Variants in CFH observed in about 807,000 individuals in gnomAD.
The protein encoded by CFH is H factor 1 (complement).
Under a neutral mutation model 147.3 loss-of-function variants are expected in CFH, and 53 were observed. The ratio of observed to expected loss-of-function variants is 0.36; its 90% confidence interval spans 0.29 to 0.45. The LOEUF is 0.45. CFH is among the 20% of genes least tolerant of loss of function. The pLI is 1.00. For synonymous variants in CFH, 536 were observed against 489.4 expected (o/e 1.10, Z -1.26); for missense variants, 1,380 against 1,498.0 (o/e 0.92, Z 1.30).
chr1:196,665,341 T>C (rs749289236), intron 1 of CFH, among the ~76,000 whole-genome samples: 3 of 150,574 alleles, frequency 2.0e-5, no homozygotes, highest in Non-Finnish European at 3.0e-5. Flanking sequence ...TTGATATTTA[T>C]TCATACTTTT....
chr1:196,709,997 A>T (rs1668686115), intron 9 of CFH, among the ~76,000 whole-genome samples: 1 of 151,512 alleles, frequency 6.6e-6, no homozygotes, highest in South Asian at 2.1e-4. Flanking sequence ...CAACAGAGCA[A>T]GATCATCTTG....
At chr1:196,691,426 A>T (rs933020876) in intron 9 of CFH, among the ~76,000 whole-genome samples, 1 of 152,012 alleles carries the variant, frequency 6.6e-6, no homozygotes, top group Non-Finnish European at 1.5e-5. Context: ...TTACATGTTA[A>T]TGATTGGTGA....
chr1:196,690,086 G>A lies in CFH; in HGVS notation c.1183G>A (p.Glu395Lys), dbSNP rs776421776. The change falls in exon 9 of 22, where the codon GAA becomes AAA. Residue 395 changes from glutamate to lysine, a missense_variant. Physicochemically the swap from Glu to Lys is moderately conservative, Grantham distance 56. Around this residue, in one of 4 missense-constraint regions of CFH, gnomAD observed 167 missense variants for 228.0 expected, o/e 0.73. Coordinates refer to ENST00000367429, the MANE Select transcript of CFH (RefSeq NM_000186.4). ...AGGAAAATGTTATTTTCCTTATTTG[G>A]AAAATGGATATAATCAAAATCATGG... ...CLRKCYFPYL[E>K]NGYNQNHGRK... 7.5e-6 allele frequency: 12 copies of A among 1,610,122 alleles called. No homozygotes were observed. The Admixed American group carries it at 1.0e-4, about 13-fold the overall frequency.
chr1:196,709,986 G>A (rs927320420), intron 9 of CFH, among the ~76,000 whole-genome samples: 2 of 151,868 alleles, frequency 1.3e-5, no homozygotes, highest in African/African-American at 4.8e-5. Flanking sequence ...ATCCAGATGG[G>A]CAACAGAGCA....
At chr1:196,744,374 C>T (rs1239054974) in intron 20 of CFH, among the ~76,000 whole-genome samples, 1 of 151,988 alleles carries the variant, frequency 6.6e-6, no homozygotes. Context: ...TTGTTTCTGC[C>T]TGTTTCCTCT....
At chr1:196,675,866 A>G in intron 3 of CFH, 123 bp from the exon 4 acceptor site, 1 of 597,434 alleles carries the variant, frequency 1.7e-6, no homozygotes, top group African/African-American at 1.9e-5. Flanking sequence ...ACAAGAAACA[A>G]GAAAATGCAT....
At position 196,743,645 on chromosome 1, in the gene CFH, C is replaced by A. The variant is rs769190859; in HGVS notation, c.3310+17C>A. ...AATGCAAAGGTAGAGTATTATATTT[C>A]TTTTAACATTTTGGGGGAGTATAGC... On this transcript the variant is annotated intron_variant, in intron 20 of 21. Transcript: ENST00000367429. 3 of 1,613,606 alleles carry A rather than the reference C, an allele frequency of 1.9e-6. No homozygotes were observed. The South Asian group carries it at 3.3e-5, about 18-fold the overall frequency.
At chr1:196,738,084 G>A (rs1384058398) in intron 17 of CFH, among the ~76,000 whole-genome samples, 1 of 152,050 alleles carries the variant, frequency 6.6e-6, no homozygotes, top group Non-Finnish European at 1.5e-5. Flanking sequence ...AAGGGAAAAG[G>A]CCCTTATAAA....
At chr1:196,693,300 T>A (rs150331428) in intron 9 of CFH, among the ~76,000 whole-genome samples, 1 of 151,984 alleles carries the variant, frequency 6.6e-6, no homozygotes, top group Admixed American at 6.6e-5. Context: ...AAATAAAAAA[T>A]TTGCCAGATA....
chr1:196,672,255 A>AC (rs1667306617), intron 1 of CFH, among the ~76,000 whole-genome samples: 1 of 152,170 alleles, frequency 6.6e-6, no homozygotes, highest in Non-Finnish European at 1.5e-5. Context: ...GACAAACATA[A>AC]CCAGGTAAAA....
chr1:196,673,252 A>T, intron 2 of CFH, 89 bp downstream of exon 2: 1 of 1,156,148 alleles, frequency 8.6e-7, no homozygotes, highest in Non-Finnish European at 1.3e-6. Flanking sequence ...CCTGAATTAT[A>T]TCACTATTGC....
chr1:196,684,500 A>AT (rs1182403982), intron 6 of CFH, among the ~76,000 whole-genome samples: 6 of 151,890 alleles, frequency 4.0e-5, no homozygotes, highest in East Asian at 1.9e-4. Context: ...CAGAAACATC[A>AT]TTTTTTTTCA....
chr1:196,692,748 TTC>T (rs1281911994), intron 9 of CFH, among the ~76,000 whole-genome samples: 47 of 3,298 alleles, frequency 0.014, 5 homozygotes, highest in Admixed American at 0.13. Context: ...TCCTTTCTTT[TTC>T]TTTCTTTCTT....
At chr1:196,689,749 C>A in intron 8 of CFH, 135 bp downstream of exon 8, 1 of 935,892 alleles carries the variant, frequency 1.1e-6, no homozygotes, top group Non-Finnish European at 1.6e-6. Context: ...GCAAAGTGAC[C>A]AAAATAGATC....
intron 20 of CFH, 39 bp downstream of exon 20, chr1:196,743,667 T>G: frequency 3.7e-6 from 6 of 1,612,628 alleles, no homozygotes; most frequent in Non-Finnish European, 5.1e-6. Flanking sequence ...TGGGGGAGTA[T>G]AGCAGGGTTA....
intron 9 of CFH, among the ~76,000 whole-genome samples, chr1:196,696,386 G>T (rs1368895859): frequency 6.6e-6 from 1 of 152,136 alleles, no homozygotes; most frequent in African/African-American, 2.4e-5. Flanking sequence ...AAGTAAGGCA[G>T]AAGTAAATAA....
rs1667370235 is a variant in CFH at position 196,673,900 on chromosome 1, T to C, written c.288T>C (p.Phe96=). The part of the protein sequence containing the change: ...GHPGDTPFGT[F]TLTGGNVFEY... ...CTGGAGATACTCCTTTTGGTACTTT[T>C]ACCCTTACAGGAGGAAATGTGTTTG... Residue 96 remains phenylalanine (F), a synonymous_variant, in exon 3 of 22, where the codon TTT becomes TTC. Transcript: ENST00000367429. 3.1e-6 allele frequency: 5 copies of C among 1,613,760 alleles called. No individual in the cohort carries two copies. The highest frequency in any genetic ancestry group is 8.5e-7 in the Non-Finnish European group (1 of 1,179,770).
chr1:196,701,306 A>G, intron 9 of CFH: 1 of 1,613,700 alleles, frequency 6.2e-7, no homozygotes, highest in Non-Finnish European at 8.5e-7. Flanking sequence ...TCTGCTCTTC[A>G]ATCTTTCCCA....
intron 10 of CFH, among the ~76,000 whole-genome samples, chr1:196,714,668 T>TATATATAGAGAGAG (rs1362376856): frequency 4.7e-5 from 1 of 21,310 alleles, no homozygotes; most frequent in Non-Finnish European, 8.4e-5. Flanking sequence ...TATATATATA[T>TATATATAGAGAGAG]AGAGAGAGAG....
Sources: gnomAD v4.1 joint callset for allele counts (sites outside exome capture counted in the v4.1 genomes callset) on GRCh38, gnomAD v4.1.1 for gene constraint, gnomAD v4.1.1 regional missense constraint, MANE v1.5 for transcripts, NCBI Gene and HGNC (gene_info 2026-07-23, HGNC 2026-07-21) for gene names.